The following DNAH14 variants were observed in gnomAD, a reference collection of about 807,000 sequenced individuals.
The protein encoded by DNAH14 is axonemal beta dynein heavy chain 14.
DNAH14 carries 478 observed loss-of-function variants against 520.9 expected under a neutral mutation model. The ratio of observed to expected loss-of-function variants is 0.92; its 90% confidence interval spans 0.85 to 0.99. DNAH14 has a LOEUF of 0.99. DNAH14 is among the 50% of genes least tolerant of loss of function. The probability of loss-of-function intolerance (pLI) is 0.00; values close to 1 mark genes in which losing one functional copy is unlikely to be tolerated. For missense variants in DNAH14, 4,831 were observed against 5,234.5 expected (o/e 0.92, Z 2.38); for synonymous variants, 1,581 against 1,757.2 (o/e 0.90, Z 2.51).
chr1:225,021,067 A>G (rs1429267703), intron 10 of DNAH14, among the ~76,000 whole-genome samples: 1 of 152,230 alleles, frequency 6.6e-6, no homozygotes, highest in Non-Finnish European at 1.5e-5. Flanking sequence ...ATCTCAACAG[A>G]TGCAGGAAAT....
chr1:225,316,013 G>A (rs932992124), intron 60 of DNAH14, among the ~76,000 whole-genome samples: 53 of 152,234 alleles, frequency 3.5e-4, no homozygotes, highest in African/African-American at 1.2e-3. Flanking sequence ...ATAAGCCCCT[G>A]ACGGGGCTGC....
intron 34 of DNAH14, among the ~76,000 whole-genome samples, chr1:225,157,258 A>G (rs892030664): frequency 3.3e-5 from 5 of 152,212 alleles, no homozygotes; most frequent in Admixed American, 6.5e-5. Flanking sequence ...TAGAGAATTA[A>G]CATCTCTCCA....
intron 17 of DNAH14, among the ~76,000 whole-genome samples, chr1:225,078,792 C>G (rs2072623462): frequency 2.0e-5 from 1 of 49,306 alleles, no homozygotes; most frequent in Non-Finnish European, 5.5e-5. Context: ...CTCTCTCTCT[C>G]TCTCTCTCTC....
In DNAH14 at chr1:225,167,992, G is replaced by T. The variant is rs1434607054; in HGVS notation, c.5499G>T (p.Gln1833His). The T allele has an allele frequency of 1.3e-5, 20 of 1,540,174 alleles. No homozygotes were observed. Among genetic ancestry groups the T allele is most frequent in the Non-Finnish European group, 1.1e-5 (13 of 1,141,322 alleles). ...QQLGLQNWSS[Q>H]KEKIIQFYNQ... is the part of the protein sequence containing the mutation. ...TGGGTTTACAAAACTGGTCATCTCA[G>T]AAAGAGAAGATTATACAGTTTTATA... is the stretch of plus-strand genomic sequence containing the variant. The change falls in exon 36 of 86, where the codon CAG becomes CAT. Residue 1833 changes from glutamine to histidine, a missense_variant. Physicochemically the swap from Gln to His is conservative, Grantham distance 24 (BLOSUM62 0). Coordinates refer to ENST00000682510, the MANE Select transcript of DNAH14 (RefSeq NM_001367479.1).
chr1:225,352,799 G>C (rs1240808326), intron 72 of DNAH14, among the ~76,000 whole-genome samples: 1 of 151,898 alleles, frequency 6.6e-6, no homozygotes, highest in African/African-American at 2.4e-5. Flanking sequence ...TGTTTGTATA[G>C]TCAATTATGT....
At chr1:225,050,831 G>A (rs1558792160) in intron 16 of DNAH14, among the ~76,000 whole-genome samples, 1 of 152,170 alleles carries the variant, frequency 6.6e-6, no homozygotes, top group Non-Finnish European at 1.5e-5. Context: ...GTGGAATACA[G>A]TTTGTCCATG....
intron 38 of DNAH14, among the ~76,000 whole-genome samples, chr1:225,193,482 C>T (rs750446065): frequency 6.6e-6 from 1 of 152,018 alleles, no homozygotes; most frequent in Non-Finnish European, 1.5e-5. Flanking sequence ...TTAAGCCTGG[C>T]AGTTCAAGAC....
chr1:224,981,540 T>C (rs1321229555), intron 8 of DNAH14, among the ~76,000 whole-genome samples: 4 of 152,198 alleles, frequency 2.6e-5, no homozygotes, highest in Middle Eastern at 3.2e-3. Context: ...CAGGAATTTA[T>C]CCATTTCTTC....
chr1:224,968,826 G>A lies in DNAH14; in HGVS notation c.719G>A (p.Arg240Lys). Residue 240 changes from arginine (R) to lysine (K), a missense_variant, in exon 7 of 86, where the codon AGA becomes AAA. Physicochemically the swap from Arg to Lys is conservative, Grantham distance 26. Transcript: ENST00000682510. ...CCTACTTTGGAATGGCTATCAGAAA[G>A]AAGACATTACTATTTATTACGGCAA... is the stretch of plus-strand genomic sequence containing the variant. ...LIPTLEWLSE[R>K]RHYYLLRQFK... 1 of 1,544,680 alleles carries A rather than the reference G, an allele frequency of 6.5e-7. No homozygotes were observed. The highest frequency in any genetic ancestry group is 2.5e-5 in the East Asian group (1 of 40,208).
In DNAH14 at chr1:225,307,569, G is replaced by A. The variant is rs745670685; in HGVS notation, c.9114G>A (p.Lys3038=). 2 of 1,528,224 alleles carry A rather than the reference G, an allele frequency of 1.3e-6. No homozygotes were observed. Among genetic ancestry groups the A allele is most frequent in the African/African-American group, 1.4e-5 (1 of 71,344 alleles). 94.7% of individuals were successfully genotyped at this position (1,528,224 alleles called of 1,614,324 possible). A position where few individuals can be genotyped will look rare whatever the true frequency, so the allele number is the denominator to read the frequency against. Residue 3038 remains lysine (K), a splice_region_variant and synonymous_variant, in exon 59 of 86, where the codon AAG becomes AAA. Coordinates refer to ENST00000682510, the MANE Select transcript of DNAH14 (RefSeq NM_001367479.1). The part of the protein sequence containing the change: ...ILGPQVEQKT[K]ETETLMEKLR... ...GCCCTCAAGTAGAACAAAAAACAAA[G>A]GTATGTTTGCTTTGAAATCTCTTTT... is the stretch of plus-strand genomic sequence containing the variant.
chr1:225,250,011 A>T (rs1252815243), intron 43 of DNAH14, among the ~76,000 whole-genome samples: 1 of 152,154 alleles, frequency 6.6e-6, no homozygotes, highest in Non-Finnish European at 1.5e-5. Flanking sequence ...AAAGTTTGGG[A>T]CTATTATGGA....
rs2092968432 is a variant in DNAH14, at chr1:225,262,510, CATTTTTG to C, written c.7158-1686_7158-1680del. ...TTAAGTCTTTAATCCATCTTGAGAT[CATTTTTG>C]CACACAGTAAGAGATAAGAATCCAG... On this transcript the variant is annotated intron_variant, in intron 46 of 85. Coordinates refer to ENST00000682510, the MANE Select transcript of DNAH14 (RefSeq NM_001367479.1). Among the ~76,000 whole-genome samples the C allele has an allele frequency of 2.0e-5, 3 of 151,942 alleles. No homozygotes were observed. In the South Asian group the frequency reaches 6.2e-4, roughly 32 times the overall value.
At chr1:225,075,946 G>C (rs896677180) in intron 17 of DNAH14, among the ~76,000 whole-genome samples, 1 of 112,070 alleles carries the variant, frequency 8.9e-6, no homozygotes, top group African/African-American at 2.8e-5. Context: ...ATCTGGAATA[G>C]TTCATGGGCC....
chr1:225,023,856 A>G lies in DNAH14; in HGVS notation c.1349A>G (p.Asn450Ser). Residue 450 changes from asparagine to serine, a missense_variant, in exon 11 of 86, where the codon AAT becomes AGT. Coordinates refer to ENST00000682510, the MANE Select transcript of DNAH14 (RefSeq NM_001367479.1). The stretch of plus-strand genomic sequence containing the variant: ...TTTTCAGTGGAAAAAAAGAATGAAA[A>G]TCTTATCAGGTAAATTACTTTTTTG... The part of the protein sequence containing the change: ...MPFSVEKKNE[N>S]LIRTFKDNSF... 6.5e-7 allele frequency: 1 copy of G among 1,531,942 alleles called. No individual in the cohort carries two copies. The highest frequency in any genetic ancestry group is 1.3e-5 in the South Asian group (1 of 79,674). The allele number at this position is 1,531,942 out of a possible 1,614,324, so 94.9% of individuals were successfully genotyped here.
chr1:225,222,328 C>G (rs1230454733), intron 41 of DNAH14, among the ~76,000 whole-genome samples: 3 of 152,154 alleles, frequency 2.0e-5, no homozygotes, highest in Non-Finnish European at 4.4e-5. Context: ...TGTACTGAAA[C>G]AGCTGTGTCT....
rs956222905 is a variant in DNAH14, at chr1:225,231,063, C to T, written c.6440-10C>T. ...TGTTAATTATGGAAAAATACTCTTTCCTTTTTAAGGTGATGATTTGAATGA... is the reference window on the plus strand; with the variant it reads ...TGTTAATTATGGAAAAATACTCTTTTCTTTTTAAGGTGATGATTTGAATGA... On this transcript the variant is annotated splice_polypyrimidine_tract_variant and intron_variant, in intron 41 of 85. Transcript: ENST00000682510. 3 of 1,540,336 alleles carry T rather than the reference C, an allele frequency of 1.9e-6. No individual in the cohort carries two copies. The African/African-American group carries it at 4.1e-5, about 21-fold the overall frequency.
At chr1:225,160,468 C>A (rs2081405770) in intron 35 of DNAH14, among the ~76,000 whole-genome samples, 1 of 152,090 alleles carries the variant, frequency 6.6e-6, no homozygotes, top group South Asian at 2.1e-4. Context: ...CACAGAAAGA[C>A]CATTTATTAG....
Position 225,333,351 on chromosome 1 carries a change from ATACT to A in DNAH14, c.9927_9930del (p.Leu3310PhefsTer12). On this transcript the variant is annotated frameshift_variant, in exon 66 of 86. Transcript: ENST00000682510. LOFTEE classifies it high-confidence loss of function. The stretch of plus-strand genomic sequence containing the variant: ...CAAATTAGAAGGAATTTTGGGTGAC[ATACT>A]TCTTTCAGCAGCGTGCATTGTCTAC... 6 of 1,551,804 alleles carry A rather than the reference ATACT, an allele frequency of 3.9e-6. No individual in the cohort carries two copies. The highest frequency in any genetic ancestry group is 5.2e-6 in the Non-Finnish European group (6 of 1,146,930).
chr1:225,297,096 C>T (rs979686781), intron 55 of DNAH14, among the ~76,000 whole-genome samples: 1 of 151,944 alleles, frequency 6.6e-6, no homozygotes, highest in African/African-American at 2.4e-5. Flanking sequence ...TTCTCTTCTC[C>T]TTCTGGAATG....
Sources: gnomAD v4.1 joint callset for allele counts (sites outside exome capture counted in the v4.1 genomes callset) on GRCh38, gnomAD v4.1.1 for gene constraint, MANE v1.5 for transcripts, NCBI Gene and HGNC (gene_info 2026-07-23, HGNC 2026-07-21) for gene names.